CDC25B: variants seen among roughly 807,000 people sequenced by gnomAD.
The protein encoded by CDC25B is M-phase inducer phosphatase 2.
CDC25B carries 33 observed loss-of-function variants against 69.8 expected under a neutral mutation model. The observed-to-expected ratio is 0.47, with a 90% CI of 0.36 to 0.63. The LOEUF (loss-of-function observed/expected upper bound fraction) is 0.63. Ranked by LOEUF, CDC25B falls within the 30% of genes least tolerant of loss-of-function variation. The pLI is 0.00. For missense variants in CDC25B, 727 were observed against 809.1 expected (o/e 0.90, Z 1.23); for synonymous variants, 341 against 314.6 (o/e 1.08, Z -0.89).
intron 1 of CDC25B, among the ~76,000 whole-genome samples, chr20:3,789,982 C>G (rs2088886672): frequency 6.7e-6 from 1 of 150,364 alleles, no homozygotes; most frequent in Admixed American, 6.6e-5. Context: ...GAGCAAGACT[C>G]TGTCTCAAAA....
intron 1 of CDC25B, chr20:3,787,214 A>G: frequency 1.6e-6 from 1 of 633,642 alleles, no homozygotes; most frequent in South Asian, 1.8e-5. Flanking sequence ...TTTATTATAT[A>G]AAACTGGCAT....
At position 3,805,324 on chromosome 20, in the gene CDC25B, G is replaced by T. The variant is rs1600411597; in HGVS notation, c.*363G>T. ...GTGTGTGTGTCAGCTGAGGCTGGGG[G>T]AGAGCCGTGGTCCCTGAGGATGGGT... On this transcript the variant is annotated 3_prime_UTR_variant, in exon 16 of 16. Coordinates refer to ENST00000245960, the MANE Select transcript of CDC25B (RefSeq NM_021873.4). 4.4e-5 allele frequency: 14 copies of T among 318,992 alleles called. No individual in the cohort carries two copies. Among genetic ancestry groups the T allele is most frequent in the Admixed American group, 2.2e-4 (5 of 23,100 alleles). 19.8% of individuals were successfully genotyped at this position (318,992 alleles called of 1,614,324 possible). A position where few individuals can be genotyped will look rare whatever the true frequency, so the allele number is the denominator to read the frequency against.
chr20:3,803,050 G>A lies in CDC25B; in HGVS notation c.1258-58G>A. On this transcript the variant is annotated intron_variant, in intron 12 of 15. Transcript: ENST00000245960. This position sits in a 1 kb window ranked among gnomAD's most constrained non-coding sequence, Gnocchi z 4.9. ...TTGACCTTCCCTGGGGACAGGCTAG[G>A]GCCACCTGCCAGCTGCCAGCCTGAC... 6.3e-7 allele frequency: 1 copy of A among 1,592,562 alleles called. No individual in the cohort carries two copies. Among genetic ancestry groups the A allele is most frequent in the African/African-American group, 1.3e-5 (1 of 74,684 alleles).
In CDC25B at chr20:3,803,392, C is replaced by T; in HGVS notation, c.1357-12C>T. ...ACCCGGGGCTGTGCCTGACCTCTGG[C>T]TCCTCTGACAGACTGCGGTGAACTT... is the stretch of plus-strand genomic sequence containing the variant. On this transcript the variant is annotated splice_polypyrimidine_tract_variant and intron_variant, in intron 13 of 15. Coordinates refer to ENST00000245960, the MANE Select transcript of CDC25B (RefSeq NM_021873.4). The surrounding 1 kb of genome is among the most constrained non-coding windows in gnomAD (Gnocchi z 4.9). 2 of 1,614,100 alleles carry T rather than the reference C, an allele frequency of 1.2e-6. No homozygotes were observed. The highest frequency in any genetic ancestry group is 1.7e-6 in the Non-Finnish European group (2 of 1,179,984).
At chr20:3,793,871 A>C (rs1256377992), upstream of CDC25B, among the ~76,000 whole-genome samples, 1 of 150,904 alleles carries the variant, frequency 6.6e-6, no homozygotes, top group Non-Finnish European at 1.5e-5. Context: ...TTCTTGCGAT[A>C]GTTTACTGAG....
At position 3,800,455 on chromosome 20, in the gene CDC25B, C is replaced by A; in HGVS notation, c.423-7C>A. ...CAGCTCTCACCTGTCCCCATTTCCTCCTGTAGCGAGCAGTTTGCCATCAGA... is the reference window on the plus strand; with the variant it reads ...CAGCTCTCACCTGTCCCCATTTCCTACTGTAGCGAGCAGTTTGCCATCAGA... On this transcript the variant is annotated splice_polypyrimidine_tract_variant and splice_region_variant and intron_variant, in intron 4 of 15. Coordinates refer to ENST00000245960, the MANE Select transcript of CDC25B (RefSeq NM_021873.4). The A allele has an allele frequency of 6.2e-7, 1 of 1,614,220 alleles. No homozygotes were observed. Among genetic ancestry groups the A allele is most frequent in the Non-Finnish European group, 8.5e-7 (1 of 1,180,028 alleles).
Position 3,802,858 on chromosome 20 carries a change from T to C in CDC25B, c.1195-52T>C, listed in dbSNP as rs375913316. ...AAACTTCATTCTTTGAGGCTCCTGG[T>C]CTTACCAATTTAACTTTCTCCCCTC... On this transcript the variant is annotated intron_variant, in intron 11 of 15. Transcript: ENST00000245960. The C allele has an allele frequency of 2.9e-4, 411 of 1,425,756 alleles. 1 individual carries two copies. The highest frequency in any genetic ancestry group is 9.0e-5 in the Non-Finnish European group (91 of 1,009,332). 88.3% of individuals were successfully genotyped at this position (1,425,756 alleles called of 1,614,324 possible).
intron 11 of CDC25B, 72 bp downstream of exon 11, chr20:3,802,448 G>T: frequency 3.8e-6 from 4 of 1,049,244 alleles, no homozygotes; most frequent in Non-Finnish European, 5.8e-6. Context: ...TAGCCCAGGG[G>T]CTGCTTGGGT....
chr20:3,787,009 T>C (rs1378047992), exon 1 of CDC25B: 2 of 580,912 alleles, frequency 3.4e-6, no homozygotes, highest in African/African-American at 3.9e-5. Flanking sequence ...TCAAAAAGAA[T>C]AAGAACCAGG....
At chr20:3,791,011 A>C (rs1371471526) in intron 1 of CDC25B, among the ~76,000 whole-genome samples, 1 of 151,878 alleles carries the variant, frequency 6.6e-6, no homozygotes, top group Non-Finnish European at 1.5e-5. Flanking sequence ...CACTTCTTTT[A>C]CTCTAGGAAA....
intron 3 of CDC25B, among the ~76,000 whole-genome samples, chr20:3,799,484 CTGTGTGTGTGTG>C (rs60482329): frequency 2.2e-3 from 289 of 131,708 alleles, no homozygotes; most frequent in East Asian, 8.2e-3. Context: ...TTCTCAGAAG[CTGTGTGTGTGTG>C]TGTGTGTGTG....
At chr20:3,799,525 T>TGTGTGCGCGCGCGCGCGC (rs1211874383) in intron 3 of CDC25B, among the ~76,000 whole-genome samples, 1 of 68,688 alleles carries the variant, frequency 1.5e-5, no homozygotes, top group African/African-American at 4.8e-5. Flanking sequence ...TGTGTGTGTG[T>TGTGTGCGCGCGCGCGCGC]GCGCGCGCGC....
At chr20:3,799,484 CTGTGTGTGTGTGTGTGTGTG>C (rs60482329) in intron 3 of CDC25B, among the ~76,000 whole-genome samples, 15 of 131,606 alleles carry the variant, frequency 1.1e-4, no homozygotes, top group Middle Eastern at 3.5e-3. Flanking sequence ...TTCTCAGAAG[CTGTGTGTGTGTGTGTGTGTG>C]TGTGTGTGTG....
rs774140283 is a variant in CDC25B at position 3,802,411 on chromosome 20, T to C, written c.1194+35T>C. ...GCAGCGAAGGGGGTACCTTGGGGGC[T>C]TGACCTCTTACTGACTAGGGGTCCT... is the stretch of plus-strand genomic sequence containing the variant. On this transcript the variant is annotated intron_variant, in intron 11 of 15. Coordinates refer to ENST00000245960, the MANE Select transcript of CDC25B (RefSeq NM_021873.4). The C allele has an allele frequency of 2.0e-6, 3 of 1,482,228 alleles. No homozygotes were observed. The African/African-American group carries it at 4.2e-5, about 21-fold the overall frequency. 91.8% of individuals were successfully genotyped at this position (1,482,228 alleles called of 1,614,324 possible).
Position 3,801,779 on chromosome 20 carries a change from A to C in CDC25B, c.898A>C (p.Thr300Pro). 5.0e-6 allele frequency: 8 copies of C among 1,606,436 alleles called. No individual in the cohort carries two copies. The highest frequency in any genetic ancestry group is 6.8e-6 in the Non-Finnish European group (8 of 1,177,030). The change falls in exon 9 of 16, where the codon ACC (threonine) becomes CCC (proline). Residue 300 changes from threonine (T) to proline (P), a missense_variant. By Grantham distance (38) the Thr-to-Pro change is conservative (BLOSUM62 -1). Around this residue, in one of 2 missense-constraint regions of CDC25B, gnomAD observed 359 missense variants for 463.4 expected, o/e 0.77. Transcript: ENST00000245960. Reference protein sequence around the residue: ...ESLISAPLVKTLEKEEEKDLV... With the variant: ...ESLISAPLVKPLEKEEEKDLV... ...TCTCATTAGTGCCCCACTGGTCAAG[A>C]CCTTGGAAAAGGAAGAGGAAAAGGT...
chr20:3,799,343 C>G (rs1482027430), intron 3 of CDC25B, among the ~76,000 whole-genome samples: 1 of 152,188 alleles, frequency 6.6e-6, no homozygotes, highest in Non-Finnish European at 1.5e-5. Flanking sequence ...GGCCCATGTG[C>G]AAGCCAATGA....
Position 3,796,425 on chromosome 20 carries a change from C to CCCA in CDC25B, c.-105_-104insACC, listed in dbSNP as rs1555773177. 5.2e-5 allele frequency: 10 copies of CCCA among 193,164 alleles called. No individual in the cohort carries two copies. The East Asian group carries it at 2.7e-3, about 52-fold the overall frequency. The allele number at this position is 193,164 out of a possible 1,614,324, so 12.0% of individuals were successfully genotyped here. A position where few individuals can be genotyped will look rare whatever the true frequency, so the allele number is the denominator to read the frequency against. The stretch of plus-strand genomic sequence containing the variant: ...TCTTCCTCCCTCCCTCCTTCCCCCC[C>CCCA]CCCCCACCCCTCGCCCGCTGCCTCC... On this transcript the variant is annotated 5_prime_UTR_variant, in exon 1 of 16. Transcript: ENST00000245960.
rs749755064 is a variant in CDC25B, at chr20:3,804,605, C to T, written c.1527C>T (p.Asn509=). 2.5e-5 allele frequency: 41 copies of T among 1,613,878 alleles called. No individual in the cohort carries two copies. Among genetic ancestry groups the T allele is most frequent in the African/African-American group, 5.3e-5 (4 of 74,910 alleles). Residue 509 remains asparagine, a synonymous_variant, in exon 15 of 16, where the codon AAC becomes AAT. Transcript: ENST00000245960. Reference sequence around the variant, plus strand: ...TCAGGGAACGAGACCGTGCTGTCAACGACTACCCCAGCCTCTACTACCCTG... The same window carrying T: ...TCAGGGAACGAGACCGTGCTGTCAATGACTACCCCAGCCTCTACTACCCTG... ...RFIRERDRAV[N]DYPSLYYPEM...
chr20:3,797,871 G>A, intron 2 of CDC25B, 122 bp downstream of exon 2: 1 of 1,232,068 alleles, frequency 8.1e-7, no homozygotes, highest in Non-Finnish European at 1.1e-6. Context: ...GTGGGCCCAG[G>A]AGCCTCTCCC....
Sources: allele counts gnomAD v4.1 joint callset (sites outside exome capture counted in the v4.1 genomes callset), GRCh38; gene constraint gnomAD v4.1.1; regional missense constraint gnomAD v4.1.1; non-coding constraint Gnocchi (gnomAD v3.1); transcripts MANE v1.5; gene names NCBI Gene and HGNC (gene_info 2026-07-23, HGNC 2026-07-21).